Variants in ZNF587 observed in about 807,000 individuals in gnomAD.
ZNF587 encodes the protein zinc finger protein zfp6.
In ZNF587, 8 loss-of-function variants were observed where a neutral mutation model predicts 7.5. That is an observed-to-expected ratio of 1.06 (90% CI 0.62 to 1.92). The LOEUF is 1.92. Among genes scored for constraint, ZNF587 ranks in the 40% most tolerant of loss-of-function variants. The pLI is 0.00. For synonymous variants in ZNF587, 145 were observed against 237.8 expected, an observed-to-expected ratio of 0.61 and a Z score of 3.59; for missense variants, 468 against 692.8, an observed-to-expected ratio of 0.68 and a Z score of 3.64.
At position 57,860,029 on chromosome 19, in the gene ZNF587, G is replaced by A; in HGVS notation, c.1617G>A (p.Arg539=). Residue 539 remains arginine, a synonymous_variant, in exon 3 of 3, where the codon AGG becomes AGA. Transcript: ENST00000339656. ...AATGTTCCAGTCTCATTAAACACAGGAGAATTCACACTGGAGAAAGGCCTT... is the reference window on the plus strand; with the variant it reads ...AATGTTCCAGTCTCATTAAACACAGAAGAATTCACACTGGAGAAAGGCCTT... ...FSECSSLIKH[R]RIHTGERPYE... 1.9e-6 allele frequency: 3 copies of A among 1,614,142 alleles called. No individual in the cohort carries two copies. Among genetic ancestry groups the A allele is most frequent in the Non-Finnish European group, 2.5e-6 (3 of 1,180,008 alleles).
In ZNF587 at chr19:57,856,372, G is replaced by C. The variant is rs545137455; in HGVS notation, c.163+139G>C. 472 of 1,398,784 alleles carry C rather than the reference G, an allele frequency of 3.4e-4. 5 individuals carry two copies. The African/African-American group carries it at 6.4e-3, about 19-fold the overall frequency. 86.6% of individuals were successfully genotyped at this position (1,398,784 alleles called of 1,614,324 possible). On this transcript the variant is annotated intron_variant, in intron 2 of 2. Coordinates refer to ENST00000339656, the MANE Select transcript of ZNF587 (RefSeq NM_032828.4). ...CTTCTCTGTGTAAGTTGTGTGGTTC[G>C]TAGGAGTAAGGTGTGTGTATTGCCT...
chr19:57,850,076 T>C lies in ZNF587; in HGVS notation c.33+5T>C, dbSNP rs1469381385. 4 of 1,614,138 alleles carry C rather than the reference T, an allele frequency of 2.5e-6. No individual in the cohort carries two copies. The Admixed American group carries it at 5.0e-5, about 20-fold the overall frequency. Reference sequence around the variant, plus strand: ...GTGCCGAGGCGCCCAACTCAGGTAATTGTGGTGCCTTCTGTGCCCTCAGGT... The same window carrying C: ...GTGCCGAGGCGCCCAACTCAGGTAACTGTGGTGCCTTCTGTGCCCTCAGGT... On this transcript the variant is annotated splice_donor_5th_base_variant and intron_variant, in intron 1 of 2. Transcript: ENST00000339656.
At chr19:57,857,913 G>A (rs1381933707) in intron 2 of ZNF587, among the ~76,000 whole-genome samples, 15 of 151,828 alleles carry the variant, frequency 9.9e-5, no homozygotes, top group African/African-American at 9.7e-5. Context: ...TGGGATTACA[G>A]GAGTGAGCCA....
At chr19:57,853,118 G>A (rs1475614490) in intron 1 of ZNF587, among the ~76,000 whole-genome samples, 2 of 152,148 alleles carry the variant, frequency 1.3e-5, no homozygotes, top group African/African-American at 4.8e-5. Flanking sequence ...CTCCCCAAGT[G>A]CTGGGATTAT....
Position 57,860,291 on chromosome 19 carries a change from T to G in ZNF587, c.*151T>G. The G allele has an allele frequency of 6.9e-7, 1 of 1,453,268 alleles. No homozygotes were observed. Among genetic ancestry groups the G allele is most frequent in the Non-Finnish European group, 9.4e-7 (1 of 1,061,328 alleles). The allele number at this position is 1,453,268 out of a possible 1,614,324, so 90.0% of individuals were successfully genotyped here. A position where few individuals can be genotyped will look rare whatever the true frequency, so the allele number is the denominator to read the frequency against. ...GGTCTTAAGCGACTTCGTGTTGAGA[T>G]GGAGTCTTGTTCTGTCACCCAGGCT... On this transcript the variant is annotated 3_prime_UTR_variant, in exon 3 of 3. Transcript: ENST00000339656.
At chr19:57,857,887 C>T (rs1288108970) in intron 2 of ZNF587, among the ~76,000 whole-genome samples, 1 of 151,874 alleles carries the variant, frequency 6.6e-6, no homozygotes, top group Non-Finnish European at 1.5e-5. Context: ...CTGCCCGCCT[C>T]GGCCTTGCAA....
intron 1 of ZNF587, 198 bp from the exon 2 acceptor site, chr19:57,855,906 C>G: frequency 1.1e-6 from 1 of 917,812 alleles, no homozygotes; most frequent in Non-Finnish European, 1.6e-6. Flanking sequence ...GCATGGATAC[C>G]TATTTGTCCA....
In ZNF587 at chr19:57,859,884, C is replaced by G. The variant is rs1382609523; in HGVS notation, c.1472C>G (p.Pro491Arg). ...IHQRIHTGER[P>R]YECSECGKSF... ...CAGAGGATTCACACTGGAGAAAGGCCGTATGAATGCAGTGAATGTGGGAAA... is the reference window on the plus strand; with the variant it reads ...CAGAGGATTCACACTGGAGAAAGGCGGTATGAATGCAGTGAATGTGGGAAA... The change falls in exon 3 of 3, where the codon CCG becomes CGG. Residue 491 changes from proline to arginine, a missense_variant. Around this residue, in one of 5 missense-constraint regions of ZNF587, gnomAD observed 310 missense variants for 325.6 expected, o/e 0.95. Transcript: ENST00000339656. The G allele has an allele frequency of 1.2e-6, 2 of 1,614,134 alleles. No homozygotes were observed. Among genetic ancestry groups the G allele is most frequent in the Non-Finnish European group, 1.7e-6 (2 of 1,180,028 alleles).
At chr19:57,852,594 T>G (rs1370000013) in intron 1 of ZNF587, among the ~76,000 whole-genome samples, 1 of 142,762 alleles carries the variant, frequency 7.0e-6, no homozygotes, top group Non-Finnish European at 1.5e-5. Flanking sequence ...TGGCGCAATC[T>G]TGGGCTCACT....
chr19:57,859,744 A>T lies in ZNF587; in HGVS notation c.1332A>T (p.Leu444Phe). The part of the protein sequence containing the change: ...RPYNCRECGK[L>F]FNRKYHLLVH... ...ACAATTGTAGGGAATGTGGGAAATTATTTAACAGGAAGTATCATCTTCTGG... is the reference window on the plus strand; with the variant it reads ...ACAATTGTAGGGAATGTGGGAAATTTTTTAACAGGAAGTATCATCTTCTGG... Residue 444 changes from leucine (L) to phenylalanine (F), a missense_variant, in exon 3 of 3, where the codon TTA becomes TTT. Around this residue, in one of 5 missense-constraint regions of ZNF587, gnomAD observed 310 missense variants for 325.6 expected, o/e 0.95. Coordinates refer to ENST00000339656, the MANE Select transcript of ZNF587 (RefSeq NM_032828.4). 1 of 1,613,422 alleles carries T rather than the reference A, an allele frequency of 6.2e-7. No homozygotes were observed. Among genetic ancestry groups the T allele is most frequent in the Non-Finnish European group, 8.5e-7 (1 of 1,179,874 alleles).
rs1434330551 is a variant in ZNF587 at position 57,860,361 on chromosome 19, T to G, written c.*221T>G. ...TTGGCTCGCTGCAACTTGGGCCTCC[T>G]GGGTTCATGCAATCCTCCTACCTCA... On this transcript the variant is annotated 3_prime_UTR_variant, in exon 3 of 3. Transcript: ENST00000339656. 2.6e-6 allele frequency: 2 copies of G among 757,404 alleles called. No individual in the cohort carries two copies. Among genetic ancestry groups the G allele is most frequent in the South Asian group, 3.7e-5 (2 of 54,036 alleles). 46.9% of individuals were successfully genotyped at this position (757,404 alleles called of 1,614,324 possible).
At position 57,859,821 on chromosome 19, in the gene ZNF587, G is replaced by C. The variant is rs756684974; in HGVS notation, c.1409G>C (p.Gly470Ala). ...AGGCCATATGCGTGTGAGGTATGTG[G>C]GAAATTATTTGGCAATAAGCACAGC... Reference protein sequence around the residue: ...GERPYACEVCGKLFGNKHSVT... With the variant: ...GERPYACEVCAKLFGNKHSVT... Residue 470 changes from glycine (G) to alanine (A), a missense_variant, in exon 3 of 3, where the codon GGG (glycine) becomes GCG (alanine). This residue lies in a region of ZNF587 where 310 missense variants were observed against 325.6 expected (regional missense o/e 0.95). Transcript: ENST00000339656. 62 of 1,614,060 alleles carry C rather than the reference G, an allele frequency of 3.8e-5. No homozygotes were observed. The Admixed American group carries it at 1.0e-3, about 26-fold the overall frequency.
Position 57,859,605 on chromosome 19 carries a change from A to G in ZNF587, c.1193A>G (p.His398Arg), listed in dbSNP as rs760637486. ...GGTCAAAAGGGCAACCTCGTTCACC[A>G]TCAGCGAGGTCATACTGGAGAAAGG... is the stretch of plus-strand genomic sequence containing the variant. ...SFGQKGNLVH[H>R]QRGHTGERPY... is the part of the protein sequence containing the mutation. Residue 398 changes from histidine to arginine, a missense_variant, in exon 3 of 3, where the codon CAT (histidine) becomes CGT (arginine). Physicochemically the swap from His to Arg is conservative, Grantham distance 29. This residue lies in a region of ZNF587 where 310 missense variants were observed against 325.6 expected (regional missense o/e 0.95). Coordinates refer to ENST00000339656, the MANE Select transcript of ZNF587 (RefSeq NM_032828.4). The G allele has an allele frequency of 1.2e-6, 2 of 1,614,158 alleles. No homozygotes were observed. Among genetic ancestry groups the G allele is most frequent in the South Asian group, 1.1e-5 (1 of 91,086 alleles).
Position 57,856,088 on chromosome 19 carries a change from T to G in ZNF587, c.34-16T>G. 1 of 1,612,678 alleles carries G rather than the reference T, an allele frequency of 6.2e-7. No homozygotes were observed. Among genetic ancestry groups the G allele is most frequent in the Non-Finnish European group, 8.5e-7 (1 of 1,179,494 alleles). ...AGCAGAGGGGCTGCTTGTGGTTTCA[T>G]CTGTCACTATCATAGCAGGGCACTG... On this transcript the variant is annotated splice_polypyrimidine_tract_variant and intron_variant, in intron 1 of 2. Coordinates refer to ENST00000339656, the MANE Select transcript of ZNF587 (RefSeq NM_032828.4).
intron 1 of ZNF587, chr19:57,853,702 A>G (rs2071312995): frequency 6.6e-6 from 1 of 152,110 alleles, no homozygotes; most frequent in South Asian, 2.1e-4. Context: ...GCACAGGAGT[A>G]ATTCAGGGAA....
rs1600115636 is a variant in ZNF587 at position 57,849,870 on chromosome 19, T to G, written c.-169T>G. The stretch of plus-strand genomic sequence containing the variant: ...CTTCCGGGGTCTCTAGTAGCGGCTG[T>G]GTATCGGCGATGCGGGTGTTTCCCC... On this transcript the variant is annotated 5_prime_UTR_variant, in exon 1 of 3. Coordinates refer to ENST00000339656, the MANE Select transcript of ZNF587 (RefSeq NM_032828.4). 2 of 1,493,934 alleles carry G rather than the reference T, an allele frequency of 1.3e-6. No individual in the cohort carries two copies. The highest frequency in any genetic ancestry group is 1.8e-6 in the Non-Finnish European group (2 of 1,120,966). The allele number at this position is 1,493,934 out of a possible 1,614,324, so 92.5% of individuals were successfully genotyped here. A position where few individuals can be genotyped will look rare whatever the true frequency, so the allele number is the denominator to read the frequency against.
Position 57,859,848 on chromosome 19 carries a change from T to G in ZNF587, c.1436T>G (p.Val479Gly). The change falls in exon 3 of 3, where the codon GTG (valine) becomes GGG (glycine). Residue 479 changes from valine (V) to glycine (G), a missense_variant. Coordinates refer to ENST00000339656, the MANE Select transcript of ZNF587 (RefSeq NM_032828.4). ...CGKLFGNKHSVTIHQRIHTGE... is the reference protein window; with the variant it reads ...CGKLFGNKHSGTIHQRIHTGE... ...AAATTATTTGGCAATAAGCACAGCG[T>G]GACTATACATCAGAGGATTCACACT... 1 of 1,614,190 alleles carries G rather than the reference T, an allele frequency of 6.2e-7. No individual in the cohort carries two copies. The highest frequency in any genetic ancestry group is 8.5e-7 in the Non-Finnish European group (1 of 1,180,020).
chr19:57,857,403 A>G (rs947512821), intron 2 of ZNF587: 2 of 152,080 alleles, frequency 1.3e-5, no homozygotes, highest in African/African-American at 4.9e-5. Context: ...CCACCCCAGC[A>G]CTAATACTCA....
chr19:57,859,453 T>C lies in ZNF587; in HGVS notation c.1041T>C (p.Thr347=). 3 of 1,612,304 alleles carry C rather than the reference T, an allele frequency of 1.9e-6. No homozygotes were observed. The highest frequency in any genetic ancestry group is 2.5e-6 in the Non-Finnish European group (3 of 1,179,968). Residue 347 remains threonine, a synonymous_variant, in exon 3 of 3, where the codon ACT becomes ACC. Transcript: ENST00000339656. ...TCATTCAACATCAGCAAGGTCACAC[T>C]GGAGAGAGAGCTTATCACTGTGGGG... The part of the protein sequence containing the change: ...GNLIQHQQGH[T]GERAYHCGEC...
Sources: gnomAD v4.1 joint callset for allele counts (sites outside exome capture counted in the v4.1 genomes callset) on GRCh38, gnomAD v4.1.1 for gene constraint, gnomAD v4.1.1 regional missense constraint, MANE v1.5 for transcripts, NCBI Gene and HGNC (gene_info 2026-07-23, HGNC 2026-07-21) for gene names.